Variants in VPS50 observed in about 807,000 individuals in gnomAD.
The protein encoded by VPS50 is VPS50 subunit of EARP/GARPII complex, also known as syndetin.
In VPS50, 70 loss-of-function variants were observed where a neutral mutation model predicts 139.7. The ratio of observed to expected loss-of-function variants is 0.50; its 90% CI spans 0.41 to 0.61. The LOEUF is 0.61. VPS50 is among the 20% of genes least tolerant of loss of function. The pLI is 0.00. For synonymous variants in VPS50, 365 were observed against 376.7 expected, an observed-to-expected ratio of 0.97 and a Z score of 0.36; for missense variants, 921 against 1,133.7, an observed-to-expected ratio of 0.81 and a Z score of 2.69.
chr7:93,338,327 T>C (rs945382969), intron 22 of VPS50, among the ~76,000 whole-genome samples: 3 of 152,188 alleles, frequency 2.0e-5, no homozygotes, highest in African/African-American at 7.2e-5. Context: ...AATGAAGATC[T>C]AATTTAACAT....
rs1294101554 is a variant in VPS50, at chr7:93,276,353, A to G, written c.942+48A>G. On this transcript the variant is annotated intron_variant, in intron 12 of 27. Transcript: ENST00000305866. ...TTCATATATCTCTCCTTTAGATTTT[A>G]AATTTATATTTCCTTTATCTTGGTA... 5 of 1,546,190 alleles carry G rather than the reference A, an allele frequency of 3.2e-6. 1 individual carries two copies. The South Asian group carries it at 6.1e-5, about 19-fold the overall frequency.
intron 4 of VPS50, among the ~76,000 whole-genome samples, chr7:93,254,304 C>T (rs1795422962): frequency 6.6e-6 from 1 of 152,230 alleles, no homozygotes; most frequent in Non-Finnish European, 1.5e-5. Flanking sequence ...GGGTCTTGCT[C>T]TGTTGCCCAG....
intron 9 of VPS50, 123 bp from the exon 10 acceptor site, chr7:93,271,097 A>G: frequency 7.3e-7 from 1 of 1,379,010 alleles, no homozygotes; most frequent in Non-Finnish European, 9.4e-7. Context: ...ATTCAGCAGC[A>G]TGTCTTACGA....
intron 1 of VPS50, among the ~76,000 whole-genome samples, chr7:93,233,496 G>A (rs1008559114): frequency 1.3e-5 from 2 of 152,182 alleles, no homozygotes; most frequent in African/African-American, 2.4e-5. Flanking sequence ...TTCACAATTT[G>A]AGAGATATAT....
At position 93,359,864 on chromosome 7, in the gene VPS50, T is replaced by A. The variant is rs1227018260; in HGVS notation, c.*1428T>A. The A allele has an allele frequency of 6.6e-6, 1 of 152,184 alleles. No individual in the cohort carries two copies. Among genetic ancestry groups the A allele is most frequent in the African/African-American group, 2.4e-5 (1 of 41,442 alleles). 9.4% of individuals were successfully genotyped at this position (152,184 alleles called of 1,614,324 possible). Reference sequence around the variant, plus strand: ...CACTTTCAGAATATGTTTGTGTGTGTCTGTATGCTGAGTGTTTTCTTTTCA... The same window carrying A: ...CACTTTCAGAATATGTTTGTGTGTGACTGTATGCTGAGTGTTTTCTTTTCA... On this transcript the variant is annotated 3_prime_UTR_variant, in exon 28 of 28. Transcript: ENST00000305866.
intron 21 of VPS50, among the ~76,000 whole-genome samples, chr7:93,325,453 A>C (rs1196575280): frequency 6.6e-6 from 1 of 151,896 alleles, no homozygotes; most frequent in African/African-American, 2.4e-5. Context: ...GACAAATGGG[A>C]TCTAATTAAA....
chr7:93,319,498 A>G (rs1797536857), intron 20 of VPS50, among the ~76,000 whole-genome samples: 2 of 152,186 alleles, frequency 1.3e-5, no homozygotes, highest in African/African-American at 4.8e-5. Context: ...TTGAATGACA[A>G]TTTAGCTATG....
rs369556785 is a variant in VPS50 at position 93,321,902 on chromosome 7, A to G, written c.1856-1709A>G. Among the ~76,000 whole-genome samples the G allele has an allele frequency of 3.9e-5, 6 of 152,106 alleles. No homozygotes were observed. In the East Asian group the frequency reaches 9.6e-4, roughly 24 times the overall value. Reference sequence around the variant, plus strand: ...TTTCTTCACAGTGTTGCATTATTTTATATGTTAACAAGTAGTAGCTTAAGT... The same window carrying G: ...TTTCTTCACAGTGTTGCATTATTTTGTATGTTAACAAGTAGTAGCTTAAGT... On this transcript the variant is annotated intron_variant, in intron 20 of 27. Coordinates refer to ENST00000305866, the MANE Select transcript of VPS50 (RefSeq NM_017667.4).
intron 24 of VPS50, among the ~76,000 whole-genome samples, 160 bp from the exon 25 acceptor site, chr7:93,349,715 T>C (rs1798503818): frequency 6.6e-6 from 1 of 152,240 alleles, no homozygotes; most frequent in African/African-American, 2.4e-5. Context: ...GCCTTTGCCT[T>C]CACTCAAATA....
At chr7:93,353,555 AT>A in intron 25 of VPS50, 84 bp from the exon 26 acceptor site, 2 of 1,430,256 alleles carry the variant, frequency 1.4e-6, no homozygotes, top group Non-Finnish European at 1.9e-6. Flanking sequence ...GTCTTTCTAA[AT>A]CTTTTTTATT....
At chr7:93,283,415 G>C (rs1225386554) in intron 12 of VPS50, among the ~76,000 whole-genome samples, 2 of 151,560 alleles carry the variant, frequency 1.3e-5, no homozygotes, top group Admixed American at 1.3e-4. Context: ...TTTGTATTTT[G>C]ATTAGAGACG....
intron 20 of VPS50, 194 bp from the exon 21 acceptor site, chr7:93,323,417 A>G (rs1797675415): frequency 4.9e-6 from 1 of 202,488 alleles, no homozygotes; most frequent in Non-Finnish European, 9.7e-6. Flanking sequence ...ACTGTTCATA[A>G]TCTGTGCTGT....
At chr7:93,296,690 C>T (rs1796821365) in intron 14 of VPS50, 52 bp from the exon 15 acceptor site, 1 of 1,574,722 alleles carries the variant, frequency 6.4e-7, no homozygotes, top group African/African-American at 1.4e-5. Flanking sequence ...CTTCTGATAA[C>T]TTATTTTCTA....
chr7:93,269,620 A>G (rs1335441483), intron 9 of VPS50, among the ~76,000 whole-genome samples: 1 of 152,038 alleles, frequency 6.6e-6, no homozygotes, highest in Non-Finnish European at 1.5e-5. Flanking sequence ...ATCTATGTCT[A>G]TCTATATCTC....
At chr7:93,337,148 T>G (rs928995572) in intron 22 of VPS50, among the ~76,000 whole-genome samples, 2 of 152,188 alleles carry the variant, frequency 1.3e-5, no homozygotes, top group Non-Finnish European at 2.9e-5. Context: ...ACACAGAACT[T>G]TAGTCTTTAA....
intron 1 of VPS50, among the ~76,000 whole-genome samples, chr7:93,237,044 G>T (rs1209524510): frequency 7.1e-6 from 1 of 141,192 alleles, no homozygotes; most frequent in Non-Finnish European, 1.5e-5. Context: ...TCCGCCTCCC[G>T]GGTTCATGCC....
intron 9 of VPS50, 119 bp from the exon 10 acceptor site, chr7:93,271,101 C>A: frequency 7.1e-7 from 1 of 1,399,908 alleles, no homozygotes. Context: ...AGCAGCATGT[C>A]TTACGATCTA....
chr7:93,279,890 A>C (rs1044113203), intron 12 of VPS50, among the ~76,000 whole-genome samples: 3 of 152,184 alleles, frequency 2.0e-5, no homozygotes, highest in Non-Finnish European at 4.4e-5. Context: ...AGAGAGTGGA[A>C]ATGAAAAGAG....
At chr7:93,259,362 A>G (rs914078055) in intron 8 of VPS50, 188 bp from the exon 9 acceptor site, 2 of 435,190 alleles carry the variant, frequency 4.6e-6, no homozygotes, top group African/African-American at 2.0e-5. Flanking sequence ...TCTTCTATGT[A>G]TATATTTTAG....
Sources: allele counts gnomAD v4.1 joint callset (sites outside exome capture counted in the v4.1 genomes callset), GRCh38; gene constraint gnomAD v4.1.1; transcripts MANE v1.5; gene names NCBI Gene and HGNC (gene_info 2026-07-23, HGNC 2026-07-21).